KCNIP4: variants seen among roughly 807,000 people sequenced by gnomAD.
KCNIP4 encodes Kv channel-interacting protein 4.
KCNIP4 carries 12 observed loss-of-function variants against 34.0 expected under a neutral mutation model. That is an observed-to-expected ratio of 0.35 (90% CI 0.23 to 0.57). KCNIP4 has a LOEUF of 0.57. KCNIP4 is among the 20% of genes least tolerant of loss of function. The pLI is 0.83. For synonymous variants in KCNIP4, 124 were observed against 102.2 expected, an observed-to-expected ratio of 1.21 and a Z score of -1.29; for missense variants, 238 against 311.7, an observed-to-expected ratio of 0.76 and a Z score of 1.78.
chr4:21,809,492 C>T (rs1320637894), intron 1 of KCNIP4, among the ~76,000 whole-genome samples: 3 of 152,186 alleles, frequency 2.0e-5, no homozygotes, highest in African/African-American at 4.8e-5. Context: ...ATAAATTAAA[C>T]ACATACACAC....
chr4:20,830,291 A>G (rs1049910277), intron 3 of KCNIP4, among the ~76,000 whole-genome samples: 1 of 152,204 alleles, frequency 6.6e-6, no homozygotes, highest in Admixed American at 6.5e-5. Flanking sequence ...AAAACTTCAT[A>G]TAGAATCTAA....
At chr4:21,342,301 T>C (rs1232643222) in intron 1 of KCNIP4, among the ~76,000 whole-genome samples, 1 of 152,018 alleles carries the variant, frequency 6.6e-6, no homozygotes, top group Non-Finnish European at 1.5e-5. Context: ...AAAGAATAGA[T>C]TCATCCCCTA....
At chr4:21,617,343 A>G (rs1744675953) in intron 1 of KCNIP4, among the ~76,000 whole-genome samples, 1 of 152,206 alleles carries the variant, frequency 6.6e-6, no homozygotes, top group Non-Finnish European at 1.5e-5. Flanking sequence ...ATTGTTTCAG[A>G]AAAGAATATG....
At chr4:21,231,584 G>A (rs1225965470) in intron 1 of KCNIP4, among the ~76,000 whole-genome samples, 3 of 152,012 alleles carry the variant, frequency 2.0e-5, no homozygotes, top group African/African-American at 7.2e-5. Context: ...TGGCTCTTTT[G>A]TAAAAAAAGA....
intron 1 of KCNIP4, among the ~76,000 whole-genome samples, chr4:21,233,547 C>A (rs1232317580): frequency 6.6e-6 from 1 of 151,618 alleles, no homozygotes; most frequent in Non-Finnish European, 1.5e-5. Flanking sequence ...AGGACCAGAG[C>A]CCAGGAGAGG....
chr4:20,905,107 A>G (rs1038631745), intron 1 of KCNIP4, among the ~76,000 whole-genome samples: 1 of 152,212 alleles, frequency 6.6e-6, no homozygotes, highest in African/African-American at 2.4e-5. Flanking sequence ...GGGCTGCTCT[A>G]ATAAAATACC....
chr4:20,942,459 T>C (rs1033734258), intron 1 of KCNIP4, among the ~76,000 whole-genome samples: 2 of 152,128 alleles, frequency 1.3e-5, no homozygotes, highest in African/African-American at 2.4e-5. Flanking sequence ...AGTAGCTGCA[T>C]TGCTTCTCCT....
At chr4:21,006,559 A>G (rs1008133767) in intron 1 of KCNIP4, among the ~76,000 whole-genome samples, 3 of 152,216 alleles carry the variant, frequency 2.0e-5, no homozygotes, top group African/African-American at 7.2e-5. Flanking sequence ...GATAAGCCAA[A>G]TTATATATGA....
intron 1 of KCNIP4, among the ~76,000 whole-genome samples, chr4:21,150,911 T>C (rs1450308748): frequency 6.6e-6 from 1 of 152,236 alleles, no homozygotes; most frequent in Non-Finnish European, 1.5e-5. Context: ...AGTTAATGAA[T>C]ATAAAATTTA....
chr4:20,830,524 T>C (rs1297269531), intron 3 of KCNIP4, among the ~76,000 whole-genome samples: 1 of 152,194 alleles, frequency 6.6e-6, no homozygotes, highest in Admixed American at 6.5e-5. Context: ...GATTTTGAGA[T>C]GGGAATTCAG....
intron 3 of KCNIP4, among the ~76,000 whole-genome samples, chr4:20,780,546 TCTTA>T (rs1756783051): frequency 6.6e-6 from 1 of 152,184 alleles, no homozygotes; most frequent in African/African-American, 2.4e-5. Context: ...TAGACAATTT[TCTTA>T]CTTCAGGAAC....
intron 1 of KCNIP4, among the ~76,000 whole-genome samples, chr4:21,569,758 T>C (rs1391389290): frequency 6.6e-6 from 1 of 151,958 alleles, no homozygotes; most frequent in Non-Finnish European, 1.5e-5. Context: ...GCTCAACAGC[T>C]TTAGGAAGTT....
intron 1 of KCNIP4, among the ~76,000 whole-genome samples, chr4:21,418,388 T>C (rs1468212409): frequency 6.6e-6 from 1 of 152,144 alleles, no homozygotes; most frequent in African/African-American, 2.4e-5. Context: ...TCCTAGCTAC[T>C]TGGGAGGCTG....
chr4:20,930,860 G>T (rs763664287), intron 1 of KCNIP4, among the ~76,000 whole-genome samples: 4 of 151,662 alleles, frequency 2.6e-5, no homozygotes, highest in African/African-American at 4.8e-5. Context: ...AAGACAAGAG[G>T]TTACTGCTGG....
intron 1 of KCNIP4, among the ~76,000 whole-genome samples, chr4:20,965,010 A>G (rs1038273017): frequency 6.6e-6 from 1 of 152,170 alleles, no homozygotes; most frequent in African/African-American, 2.4e-5. Context: ...ACTTTAAATG[A>G]TTCTATTTAA....
At chr4:21,004,198 C>A (rs1738365372) in intron 1 of KCNIP4, among the ~76,000 whole-genome samples, 1 of 152,100 alleles carries the variant, frequency 6.6e-6, no homozygotes, top group Non-Finnish European at 1.5e-5. Context: ...ATATTCCAGG[C>A]AGCAAATGGT....
At chr4:21,720,385 A>G (rs1714723873) in intron 1 of KCNIP4, among the ~76,000 whole-genome samples, 1 of 152,192 alleles carries the variant, frequency 6.6e-6, no homozygotes, top group African/African-American at 2.4e-5. Context: ...TGTTAAGAAA[A>G]TCCAAGCTAG....
intron 1 of KCNIP4, among the ~76,000 whole-genome samples, chr4:20,987,969 C>T (rs994194465): frequency 2.3e-5 from 3 of 128,644 alleles, no homozygotes; most frequent in African/African-American, 9.5e-5. Context: ...CCACTGCACT[C>T]CAGCCTGGGC....
intron 1 of KCNIP4, among the ~76,000 whole-genome samples, chr4:21,417,394 A>C (rs1725048490): frequency 6.6e-6 from 1 of 151,896 alleles, no homozygotes; most frequent in African/African-American, 2.4e-5. Context: ...AAAAAAAATA[A>C]AATAAAAAAT....
Sources: allele counts gnomAD v4.1 joint callset (sites outside exome capture counted in the v4.1 genomes callset), GRCh38; gene constraint gnomAD v4.1.1; transcripts MANE v1.5; gene names NCBI Gene and HGNC (gene_info 2026-07-23, HGNC 2026-07-21).